MAGEA1: variants seen among roughly 807,000 people sequenced by gnomAD.
MAGEA1 encodes melanoma-associated antigen 1.
For missense variants in MAGEA1, 182 were observed against 233.7 expected, an observed-to-expected ratio of 0.78 and a Z score of 1.44; for synonymous variants, 101 against 96.7, an observed-to-expected ratio of 1.04 and a Z score of -0.26.
intron 1 of MAGEA1, among the ~76,000 whole-genome samples, chrX:153,180,949 C>T (rs1389284046): frequency 9.0e-6 from 1 of 111,257 alleles, no homozygotes; most frequent in Non-Finnish European, 1.9e-5. Context: ...GAAGGGACTC[C>T]ACACAGTCTG....
Position 153,183,439 on chromosome X carries a change from C to G in MAGEA1, c.*120C>G. ...GGCCCATTCTTCACTCTGAAGAGAG[C>G]GGTCAGTGTTCTCAGTAGTAGGTTT... On this transcript the variant is annotated 3_prime_UTR_variant, in exon 3 of 3. Transcript: ENST00000356661. The G allele has an allele frequency of 1.5e-6, 1 of 674,230 alleles. No homozygotes were observed. Among genetic ancestry groups the G allele is most frequent in the African/African-American group, 2.2e-5 (1 of 46,111 alleles). The allele number at this position is 674,230 out of a possible 1,213,427, so 55.6% of individuals were successfully genotyped here.
chrX:153,180,696 C>T (rs781990419), intron 1 of MAGEA1, among the ~76,000 whole-genome samples: 18 of 111,643 alleles, frequency 1.6e-4, no homozygotes, highest in East Asian at 5.7e-4. Context: ...GCAAGGCTTA[C>T]GCGGAGGAAG....
Position 153,183,310 on chromosome X carries a change from G to C in MAGEA1, c.921G>C (p.Glu307Asp). Reference protein sequence around the residue: ...LREAALREEEEGV With the variant: ...LREAALREEEDGV Reference sequence around the variant, plus strand: ...AAGCAGCTTTGAGAGAGGAGGAAGAGGGAGTCTGAGCATGAGTTGCAGCCA... The same window carrying C: ...AAGCAGCTTTGAGAGAGGAGGAAGACGGAGTCTGAGCATGAGTTGCAGCCA... Residue 307 changes from glutamate (E) to aspartate (D), a missense_variant, in exon 3 of 3, where the codon GAG becomes GAC. Coordinates refer to ENST00000356661, the MANE Select transcript of MAGEA1 (RefSeq NM_004988.5). 8.3e-7 allele frequency: 1 copy of C among 1,206,124 alleles called. No individual in the cohort carries two copies.
Position 153,182,379 on chromosome X carries a change from C to A in MAGEA1, c.-11C>A. The A allele has an allele frequency of 1.7e-6, 2 of 1,204,184 alleles. No homozygotes were observed. The highest frequency in any genetic ancestry group is 3.0e-5 in the East Asian group (1 of 33,825). The stretch of plus-strand genomic sequence containing the variant: ...CCCACACTCCTGCCTGCTGCCCTGA[C>A]GAGAGTCATCATGTCTCTTGAGCAG... On this transcript the variant is annotated 5_prime_UTR_variant, in exon 3 of 3. Coordinates refer to ENST00000356661, the MANE Select transcript of MAGEA1 (RefSeq NM_004988.5).
At chrX:153,180,626 C>T (rs3788748) in intron 1 of MAGEA1, among the ~76,000 whole-genome samples, 22,843 of 110,697 alleles carry the variant, frequency 0.21, 1,959 homozygotes, top group East Asian at 0.59. Context: ...GCTGCCACTT[C>T]TGGCCTCAAG....
Position 153,183,010 on chromosome X carries a change from C to G in MAGEA1, c.621C>G (p.Gly207=), listed in dbSNP as rs200534968. 8.3e-7 allele frequency: 1 copy of G among 1,209,881 alleles called. No homozygotes were observed. Among genetic ancestry groups the G allele is most frequent in the East Asian group, 3.0e-5 (1 of 33,753 alleles). ...TGGTCATGATTGCAATGGAGGGCGG[C>G]CATGCTCCTGAGGAGGAAATCTGGG... ...IVLVMIAMEG[G]HAPEEEIWEE... The change falls in exon 3 of 3, where the codon GGC becomes GGG. Residue 207 remains glycine, a synonymous_variant. Coordinates refer to ENST00000356661, the MANE Select transcript of MAGEA1 (RefSeq NM_004988.5).
Position 153,183,347 on chromosome X carries a change from AG to A in MAGEA1, c.*33del, listed in dbSNP as rs1343764952. 1 of 1,182,763 alleles carries A rather than the reference AG, an allele frequency of 8.5e-7. No individual in the cohort carries two copies. Among genetic ancestry groups the A allele is most frequent in the African/African-American group, 1.8e-5 (1 of 56,863 alleles). On this transcript the variant is annotated 3_prime_UTR_variant, in exon 3 of 3. Coordinates refer to ENST00000356661, the MANE Select transcript of MAGEA1 (RefSeq NM_004988.5). ...ATGAGTTGCAGCCAAGGCCAGTGGGAGGGGGACTGGGCCAGTGCACCTTCCA... is the reference window on the plus strand; with the variant it reads ...ATGAGTTGCAGCCAAGGCCAGTGGGAGGGGACTGGGCCAGTGCACCTTCCA...
intron 1 of MAGEA1, among the ~76,000 whole-genome samples, chrX:153,181,535 C>T (rs782086952): frequency 1.1e-4 from 12 of 110,194 alleles, no homozygotes; most frequent in Non-Finnish European, 2.3e-4. Context: ...TCTGAGAAGG[C>T]TGCGCTCAGG....
Position 153,180,739 on chromosome X carries a change from G to A in MAGEA1, c.-139+1374G>A, listed in dbSNP as rs992950517. 3.3e-4 allele frequency among the ~76,000 whole-genome samples: 37 copies of A among 111,733 alleles called. 1 individual carries two copies. The highest frequency in any genetic ancestry group is 1.2e-3 in the African/African-American group (37 of 30,727). On this transcript the variant is annotated intron_variant, in intron 1 of 2. Transcript: ENST00000356661. ...AGGACTCAGGGGACCTTGGAATCCA[G>A]ATCAGTGTGGACCTCGGCCCTGAGA...
In MAGEA1 at chrX:153,182,326, C is replaced by A; in HGVS notation, c.-64C>A. The A allele has an allele frequency of 9.5e-7, 1 of 1,057,511 alleles. No individual in the cohort carries two copies. The highest frequency in any genetic ancestry group is 1.3e-6 in the Non-Finnish European group (1 of 755,259). 87.2% of individuals were successfully genotyped at this position (1,057,511 alleles called of 1,213,427 possible). ...CTCACACACTCCCTCTCTCCCCAGG[C>A]CTGTGGGTCTTCATTGCCCAGCTCC... is the stretch of plus-strand genomic sequence containing the variant. On this transcript the variant is annotated splice_region_variant and 5_prime_UTR_variant, in exon 3 of 3. Transcript: ENST00000356661.
chrX:153,180,346 C>T (rs1249978056), intron 1 of MAGEA1, among the ~76,000 whole-genome samples: 3 of 111,295 alleles, frequency 2.7e-5, no homozygotes, highest in African/African-American at 9.8e-5. Flanking sequence ...CCACCCACAC[C>T]TGTCTCCTCA....
At chrX:153,180,096 T>G (rs2051484940) in intron 1 of MAGEA1, among the ~76,000 whole-genome samples, 1 of 110,116 alleles carries the variant, frequency 9.1e-6, no homozygotes, top group African/African-American at 3.3e-5. Flanking sequence ...CCCAGGTAGA[T>G]GGCCCCAAAA....
rs904492343 is a variant in MAGEA1 at position 153,181,205 on chromosome X, G to T, written c.-138-972G>T. Reference sequence around the variant, plus strand: ...CCCAGAACCAAAGGGGTCAGCCCTGGACACCTCACCCAGGATGTGGCTTCT... The same window carrying T: ...CCCAGAACCAAAGGGGTCAGCCCTGTACACCTCACCCAGGATGTGGCTTCT... On this transcript the variant is annotated intron_variant, in intron 1 of 2. Transcript: ENST00000356661. 3.6e-5 allele frequency among the ~76,000 whole-genome samples: 4 copies of T among 111,763 alleles called. No individual in the cohort carries two copies. The South Asian group carries it at 1.5e-3, about 42-fold the overall frequency.
At chrX:153,180,616 G>T (rs1403285727) in intron 1 of MAGEA1, among the ~76,000 whole-genome samples, 1 of 111,372 alleles carries the variant, frequency 9.0e-6, no homozygotes, top group Non-Finnish European at 1.9e-5. Context: ...TGAGACTGAG[G>T]CTGCCACTTC....
intron 1 of MAGEA1, among the ~76,000 whole-genome samples, chrX:153,181,167 T>C (rs982993533): frequency 9.0e-6 from 1 of 111,093 alleles, no homozygotes; most frequent in Middle Eastern, 4.2e-3. Flanking sequence ...GACAAGGCTA[T>C]TGGAATCCTC....
intron 1 of MAGEA1, among the ~76,000 whole-genome samples, chrX:153,179,738 A>C (rs1463945854): frequency 1.8e-4 from 5 of 27,437 alleles, no homozygotes; most frequent in African/African-American, 3.0e-4. Flanking sequence ...CTCCACCCCC[A>C]TCCCTACTCC....
intron 1 of MAGEA1, among the ~76,000 whole-genome samples, chrX:153,180,440 G>C (rs782044167): frequency 1.8e-5 from 2 of 111,124 alleles, no homozygotes; most frequent in Non-Finnish European, 3.8e-5. Flanking sequence ...GTCAACCCAC[G>C]GAAGCCACGG....
Position 153,182,684 on chromosome X carries a change from C to T in MAGEA1, c.295C>T (p.Arg99Ter), listed in dbSNP as rs1363932326. 4.1e-6 allele frequency: 5 copies of T among 1,210,352 alleles called. No individual in the cohort carries two copies. Among genetic ancestry groups the T allele is most frequent in the South Asian group, 3.5e-5 (2 of 56,820 alleles). The change falls in exon 3 of 3, where the codon CGA (arginine) becomes TGA (stop). Residue 99 changes from arginine to a stop codon, truncating the protein, a stop_gained. Coordinates refer to ENST00000356661, the MANE Select transcript of MAGEA1 (RefSeq NM_004988.5). LOFTEE classifies it low-confidence loss of function (END_TRUNC). ...CTCTTGTATCCTGGAGTCCTTGTTC[C>T]GAGCAGTAATCACTAAGAAGGTGGC... ...STSCILESLF[R>*]AVITKKVADL...
Position 153,183,519 on chromosome X carries a change from A to G in MAGEA1, c.*200A>G, listed in dbSNP as rs2051507870. On this transcript the variant is annotated 3_prime_UTR_variant, in exon 3 of 3. Coordinates refer to ENST00000356661, the MANE Select transcript of MAGEA1 (RefSeq NM_004988.5). ...CTTTGTTCTCTTTTGGAATTGTTCA[A>G]ATGTTTTTTTTTAAGGGATGGTTGA... The G allele has an allele frequency of 2.2e-6, 1 of 455,758 alleles. No individual in the cohort carries two copies. The highest frequency in any genetic ancestry group is 3.9e-5 in the Admixed American group (1 of 25,823). 37.6% of individuals were successfully genotyped at this position (455,758 alleles called of 1,213,427 possible). A position where few individuals can be genotyped will look rare whatever the true frequency, so the allele number is the denominator to read the frequency against.
Sources: gnomAD v4.1 joint callset for allele counts (sites outside exome capture counted in the v4.1 genomes callset) on GRCh38, gnomAD v4.1.1 for gene constraint, MANE v1.5 for transcripts, NCBI Gene and HGNC (gene_info 2026-07-23, HGNC 2026-07-21) for gene names.